The following PAN3 variants were observed in gnomAD, a reference collection of about 807,000 sequenced individuals.
PAN3 encodes poly(A) specific ribonuclease subunit PAN3, also known as PAN2-PAN3 deadenylation complex subunit PAN3.
A neutral mutation model predicts 96.2 loss-of-function variants in PAN3; 19 were observed. The ratio of observed to expected loss-of-function variants is 0.20; its 90% CI spans 0.14 to 0.29. The LOEUF is 0.29. PAN3 is among the 10% of genes least tolerant of loss of function. The probability of loss-of-function intolerance (pLI) is 1.00; values close to 1 mark genes in which losing one functional copy is unlikely to be tolerated. For synonymous variants in PAN3, 433 were observed against 406.6 expected (o/e 1.06, Z -0.78); for missense variants, 882 against 1,108.1 (o/e 0.80, Z 2.90).
chr13:28,270,236 A>G (rs1250647647), intron 12 of PAN3, among the ~76,000 whole-genome samples: 1 of 152,228 alleles, frequency 6.6e-6, no homozygotes, highest in Non-Finnish European at 1.5e-5. Flanking sequence ...CCTGAGTGAT[A>G]TAAGGAAAAC....
chr13:28,187,061 TCA>T (rs1210417295), intron 4 of PAN3, among the ~76,000 whole-genome samples: 19 of 151,878 alleles, frequency 1.3e-4, no homozygotes, highest in Non-Finnish European at 2.6e-4. Flanking sequence ...GTGAGATGAC[TCA>T]CACCTTTAAT....
chr13:28,257,729 T>A (rs1231365493), intron 7 of PAN3, among the ~76,000 whole-genome samples: 5 of 136,764 alleles, frequency 3.7e-5, no homozygotes, highest in Middle Eastern at 3.6e-3. Context: ...TAATATATAT[T>A]ATATATAAAT....
At chr13:28,173,631 G>A (rs963745538) in intron 1 of PAN3, among the ~76,000 whole-genome samples, 25 of 152,154 alleles carry the variant, frequency 1.6e-4, no homozygotes, top group Admixed American at 6.5e-4. Context: ...GCCTACTTGC[G>A]GCCCATCTTA....
intron 12 of PAN3, among the ~76,000 whole-genome samples, chr13:28,269,503 A>G (rs140697774): frequency 1.3e-5 from 2 of 152,232 alleles, no homozygotes; most frequent in East Asian, 3.9e-4. Context: ...ATATTGATTT[A>G]GAAAATGAGA....
intron 1 of PAN3, among the ~76,000 whole-genome samples, chr13:28,139,987 G>A (rs1869478964): frequency 6.6e-6 from 1 of 152,004 alleles, no homozygotes; most frequent in Non-Finnish European, 1.5e-5. Flanking sequence ...TCGCCCTGTC[G>A]CTCAGGCTGG....
At chr13:28,229,945 C>T (rs1226156861) in intron 6 of PAN3, among the ~76,000 whole-genome samples, 3 of 152,074 alleles carry the variant, frequency 2.0e-5, no homozygotes, top group Middle Eastern at 3.2e-3. Flanking sequence ...AATGACTGCT[C>T]GATTTAGAAC....
intron 14 of PAN3, among the ~76,000 whole-genome samples, chr13:28,274,725 A>T (rs530339268): frequency 1.6e-4 from 25 of 152,088 alleles, no homozygotes; most frequent in Admixed American, 1.6e-3. Flanking sequence ...TCACCTGTTT[A>T]TTTTTTTCAG....
At chr13:28,178,953 A>C (rs1207542539) in intron 4 of PAN3, among the ~76,000 whole-genome samples, 2 of 152,186 alleles carry the variant, frequency 1.3e-5, no homozygotes, top group African/African-American at 4.8e-5. Flanking sequence ...TGGTTTAAAA[A>C]ATTCAGAAAG....
chr13:28,233,851 T>G (rs1882834467), intron 6 of PAN3, among the ~76,000 whole-genome samples: 1 of 152,202 alleles, frequency 6.6e-6, no homozygotes, highest in Non-Finnish European at 1.5e-5. Flanking sequence ...TTCCATTTAT[T>G]TCATCAGAAA....
rs369748125 is a variant in PAN3, at chr13:28,243,684, GT to G, written c.1001-12603del. 2.8e-4 allele frequency among the ~76,000 whole-genome samples: 43 copies of G among 151,952 alleles called. No homozygotes were observed. In the East Asian group the frequency reaches 8.3e-3, roughly 29 times the overall value. On this transcript the variant is annotated intron_variant, in intron 6 of 18. Transcript: ENST00000380958. ...TTTAATTTCTATCTCTTTAGGTTTTGTTTTTGTTTTTGTTTCTGTTGTGAGA... is the reference window on the plus strand; with the variant it reads ...TTTAATTTCTATCTCTTTAGGTTTTGTTTTGTTTTTGTTTCTGTTGTGAGA...
chr13:28,252,181 A>G (rs1202695341), intron 6 of PAN3, among the ~76,000 whole-genome samples: 2 of 136,656 alleles, frequency 1.5e-5, no homozygotes, highest in Non-Finnish European at 3.1e-5. Context: ...AGCCACTGCG[A>G]CGGGCCCTTT....
At chr13:28,171,769 G>A (rs750510421) in intron 1 of PAN3, among the ~76,000 whole-genome samples, 5 of 152,086 alleles carry the variant, frequency 3.3e-5, no homozygotes, top group Non-Finnish European at 5.9e-5. Flanking sequence ...GCTTCATCTC[G>A]CAGGCAAGGG....
intron 7 of PAN3, among the ~76,000 whole-genome samples, chr13:28,257,304 G>A (rs1885224021): frequency 6.6e-6 from 1 of 151,764 alleles, no homozygotes; most frequent in Non-Finnish European, 1.5e-5. Flanking sequence ...GGAGAGGGAA[G>A]GATTCCATGT....
intron 7 of PAN3, among the ~76,000 whole-genome samples, chr13:28,256,894 T>C (rs1172927040): frequency 6.6e-6 from 1 of 152,200 alleles, no homozygotes; most frequent in African/African-American, 2.4e-5. Flanking sequence ...AGTAAGAAGC[T>C]AGAAAAAGTA....
intron 1 of PAN3, among the ~76,000 whole-genome samples, chr13:28,153,231 GC>G (rs1273517878): frequency 1.5e-5 from 2 of 129,802 alleles, no homozygotes; most frequent in African/African-American, 6.2e-5. Context: ...TGTATAATAC[GC>G]TTTTTTTTTT....
chr13:28,249,374 G>T (rs1884501338), intron 6 of PAN3, among the ~76,000 whole-genome samples: 2 of 152,296 alleles, frequency 1.3e-5, no homozygotes, highest in South Asian at 4.1e-4. Context: ...GTCACCACTA[G>T]ATTTTTACCA....
Position 28,148,645 on chromosome 13 carries a change from G to A in PAN3, c.430+9558G>A, listed in dbSNP as rs907084609. On this transcript the variant is annotated intron_variant, in intron 1 of 18. Coordinates refer to ENST00000380958, the MANE Select transcript of PAN3 (RefSeq NM_175854.8). Reference sequence around the variant, plus strand: ...AGACACTCTTTCTAGCTTATTTGGGGTAGCCACTGACAAATATTCTTTGCC... The same window carrying A: ...AGACACTCTTTCTAGCTTATTTGGGATAGCCACTGACAAATATTCTTTGCC... Among the ~76,000 whole-genome samples, 8 of 152,106 alleles carry A rather than the reference G, an allele frequency of 5.3e-5. No homozygotes were observed. In the East Asian group the frequency reaches 1.3e-3, roughly 26 times the overall value.
intron 6 of PAN3, among the ~76,000 whole-genome samples, chr13:28,250,948 A>G (rs1456512452): frequency 6.6e-6 from 1 of 151,886 alleles, no homozygotes; most frequent in Non-Finnish European, 1.5e-5. Flanking sequence ...ATTATTTTGT[A>G]TCTCTTAACT....
chr13:28,247,760 C>T (rs1481307192), intron 6 of PAN3, among the ~76,000 whole-genome samples: 1 of 152,068 alleles, frequency 6.6e-6, no homozygotes, highest in Non-Finnish European at 1.5e-5. Context: ...ATTTCAAGTT[C>T]TGTGTTCTGT....
Sources: gnomAD v4.1 joint callset for allele counts (sites outside exome capture counted in the v4.1 genomes callset) on GRCh38, gnomAD v4.1.1 for gene constraint, MANE v1.5 for transcripts, NCBI Gene and HGNC (gene_info 2026-07-23, HGNC 2026-07-21) for gene names.